DNAI1: variants seen among roughly 807,000 people sequenced by gnomAD.
DNAI1 encodes the protein dynein, axonemal, intermediate polypeptide 1.
A neutral mutation model predicts 92.0 loss-of-function variants in DNAI1; 67 were observed. The observed-to-expected ratio is 0.73, with a 90% CI of 0.60 to 0.89. The LOEUF is 0.89. Ranked by LOEUF, DNAI1 falls within the 40% of genes least tolerant of loss-of-function variation. The pLI is 0.00. For missense variants in DNAI1, 839 were observed against 866.6 expected, an observed-to-expected ratio of 0.97 and a Z score of 0.40; for synonymous variants, 323 against 319.6, an observed-to-expected ratio of 1.01 and a Z score of -0.11.
chr9:34,483,673 A>T (rs1824418321), intron 2 of DNAI1, among the ~76,000 whole-genome samples, 193 bp downstream of exon 2: 1 of 152,230 alleles, frequency 6.6e-6, no homozygotes, highest in African/African-American at 2.4e-5. Context: ...TTTTATGCAT[A>T]TATAAAATTA....
chr9:34,482,815 A>G (rs959728732), intron 1 of DNAI1, among the ~76,000 whole-genome samples: 2 of 152,340 alleles, frequency 1.3e-5, no homozygotes, highest in Non-Finnish European at 2.9e-5. Flanking sequence ...GGAGCAGAGG[A>G]TGGTGCTCGT....
At chr9:34,483,267 A>C (rs1229755208) in intron 1 of DNAI1, among the ~76,000 whole-genome samples, 181 bp from the exon 2 acceptor site, 1 of 152,224 alleles carries the variant, frequency 6.6e-6, no homozygotes, top group Non-Finnish European at 1.5e-5. Context: ...AATGCCACAA[A>C]GTGGGAGCCC....
chr9:34,480,653 G>A (rs934431319), intron 1 of DNAI1, among the ~76,000 whole-genome samples: 9 of 152,070 alleles, frequency 5.9e-5, no homozygotes, highest in African/African-American at 1.4e-4. Context: ...TTAAGAAATC[G>A]TCACCTTTGG....
intron 19 of DNAI1, 80 bp downstream of exon 19, chr9:34,517,547 G>A (rs1825193751): frequency 3.2e-6 from 5 of 1,550,986 alleles, no homozygotes; most frequent in Non-Finnish European, 4.4e-6. Flanking sequence ...AGAAGCCAGG[G>A]TGACCACCCA....
intron 8 of DNAI1, among the ~76,000 whole-genome samples, chr9:34,492,056 A>C (rs1824611458): frequency 6.6e-6 from 1 of 152,156 alleles, no homozygotes; most frequent in African/African-American, 2.4e-5. Flanking sequence ...TTTTCTGTTC[A>C]TACTTTAAGA....
intron 13 of DNAI1, among the ~76,000 whole-genome samples, chr9:34,511,302 A>G (rs1825060995): frequency 6.6e-6 from 1 of 152,162 alleles, no homozygotes; most frequent in African/African-American, 2.4e-5. Flanking sequence ...ACTTTCCCAT[A>G]TGTTTGCTTC....
intron 1 of DNAI1, among the ~76,000 whole-genome samples, chr9:34,472,820 T>G (rs1824165779): frequency 6.6e-6 from 1 of 152,018 alleles, no homozygotes; most frequent in Non-Finnish European, 1.5e-5. Context: ...GAGGATCCCT[T>G]GAGCCCAGGA....
intron 8 of DNAI1, among the ~76,000 whole-genome samples, chr9:34,492,493 G>GATAGATATATAT (rs1554688186): frequency 6.7e-4 from 46 of 68,256 alleles, no homozygotes; most frequent in African/African-American, 1.3e-3. Context: ...GGGATATGAA[G>GATAGATATATAT]ATATATATAT....
chr9:34,476,382 T>G (rs1315431641), intron 1 of DNAI1, among the ~76,000 whole-genome samples: 1 of 152,216 alleles, frequency 6.6e-6, no homozygotes. Flanking sequence ...TTTCCAGACT[T>G]CTTTGGGACT....
chr9:34,504,988 T>C lies in DNAI1; in HGVS notation c.1064-1639T>C, dbSNP rs570657841. On this transcript the variant is annotated intron_variant, in intron 12 of 19. Transcript: ENST00000242317. ...TTCTAGAGGGACGGCTTCCAAACCA[T>C]CCCAGAAAAAAAAAAGTGCCATCTA... Among the ~76,000 whole-genome samples the C allele has an allele frequency of 4.0e-5, 6 of 151,246 alleles. No homozygotes were observed. The East Asian group carries it at 1.2e-3, about 29-fold the overall frequency.
chr9:34,479,879 C>T (rs1824316787), intron 1 of DNAI1, among the ~76,000 whole-genome samples: 1 of 152,206 alleles, frequency 6.6e-6, no homozygotes, highest in Non-Finnish European at 1.5e-5. Flanking sequence ...CCTGGAATTC[C>T]TTTCCTCCCT....
chr9:34,489,153 C>G (rs1025244551), intron 4 of DNAI1, 170 bp from the exon 5 acceptor site: 8 of 720,586 alleles, frequency 1.1e-5, no homozygotes, highest in Non-Finnish European at 1.9e-5. Context: ...TCTTCCTTTT[C>G]TTCTTTAAAC....
intron 1 of DNAI1, among the ~76,000 whole-genome samples, chr9:34,469,481 G>A (rs926291763): frequency 1.3e-5 from 2 of 150,992 alleles, no homozygotes; most frequent in African/African-American, 4.9e-5. Context: ...TGCCTAGGCT[G>A]GTCTTGAATT....
chr9:34,505,356 C>A (rs1007082018), intron 12 of DNAI1, among the ~76,000 whole-genome samples: 3 of 152,120 alleles, frequency 2.0e-5, no homozygotes, highest in Admixed American at 1.3e-4. Flanking sequence ...ACATCTCCTT[C>A]CCTGACTCTC....
chr9:34,517,366 C>T lies in DNAI1; in HGVS notation c.1900C>T (p.His634Tyr). 1.2e-6 allele frequency: 2 copies of T among 1,614,192 alleles called. No homozygotes were observed. Among genetic ancestry groups the T allele is most frequent in the Non-Finnish European group, 1.7e-6 (2 of 1,180,046 alleles). ...GGCGGCCAAAAAGAACAGGCTCACCCACGTGCAGTTCAATCTCATCCACCC... is the reference window on the plus strand; with the variant it reads ...GGCGGCCAAAAAGAACAGGCTCACCTACGTGCAGTTCAATCTCATCCACCC... ...PVAAKKNRLT[H>Y]VQFNLIHPII... Residue 634 changes from histidine to tyrosine, a missense_variant, in exon 19 of 20, where the codon CAC becomes TAC. By Grantham distance (83) the His-to-Tyr change is moderately conservative. Coordinates refer to ENST00000242317, the MANE Select transcript of DNAI1 (RefSeq NM_012144.4).
chr9:34,503,376 C>T (rs1824869588), intron 12 of DNAI1, among the ~76,000 whole-genome samples: 1 of 152,158 alleles, frequency 6.6e-6, no homozygotes. Context: ...TGAGGAGCAG[C>T]TGGTCTCACC....
chr9:34,481,176 G>A (rs1465732038), intron 1 of DNAI1, among the ~76,000 whole-genome samples: 2 of 152,244 alleles, frequency 1.3e-5, no homozygotes, highest in South Asian at 2.1e-4. Flanking sequence ...CCAGAAGGCA[G>A]AGGTTGCAGT....
intron 13 of DNAI1, among the ~76,000 whole-genome samples, chr9:34,510,396 A>T (rs1825041367): frequency 6.6e-6 from 1 of 152,090 alleles, no homozygotes; most frequent in Admixed American, 6.5e-5. Flanking sequence ...AGGAGGCAGG[A>T]AGGATGTACG....
At chr9:34,492,310 C>G (rs1824618301) in intron 8 of DNAI1, among the ~76,000 whole-genome samples, 1 of 151,588 alleles carries the variant, frequency 6.6e-6, no homozygotes, top group South Asian at 2.1e-4. Context: ...TTTGCCCAGC[C>G]CCAGATCCTT....
Sources: gnomAD v4.1 joint callset for allele counts (sites outside exome capture counted in the v4.1 genomes callset) on GRCh38, gnomAD v4.1.1 for gene constraint, MANE v1.5 for transcripts, NCBI Gene and HGNC (gene_info 2026-07-23, HGNC 2026-07-21) for gene names.